The following CASK variants were observed in gnomAD, a reference collection of about 807,000 sequenced individuals.
CASK encodes the protein calcium/calmodulin dependent serine protein kinase.
Under a neutral mutation model 82.9 loss-of-function variants are expected in CASK, and 4 were observed. The ratio of observed to expected loss-of-function variants is 0.05; its 90% confidence interval spans 0.02 to 0.11. The LOEUF is 0.11. CASK is among the 10% of genes least tolerant of loss of function. The probability of loss-of-function intolerance (pLI) is 1.00; values close to 1 mark genes in which losing one functional copy is unlikely to be tolerated. For synonymous variants in CASK, 259 were observed against 253.5 expected (o/e 1.02, Z -0.20); for missense variants, 358 against 720.9 (o/e 0.50, Z 5.76).
At chrX:41,847,534 G>T (rs1379943907) in intron 2 of CASK, among the ~76,000 whole-genome samples, 1 of 111,634 alleles carries the variant, frequency 9.0e-6, no homozygotes, top group Non-Finnish European at 1.9e-5. Context: ...ATCTGGGTTT[G>T]CTCAGGAACA....
chrX:41,632,856 G>T (rs1275037813), intron 9 of CASK, among the ~76,000 whole-genome samples: 3 of 109,921 alleles, frequency 2.7e-5, no homozygotes, highest in Non-Finnish European at 5.7e-5. Flanking sequence ...AAGCCAGCCT[G>T]GCCAACATGG....
At chrX:41,720,253 C>T (rs374568561) in intron 5 of CASK, among the ~76,000 whole-genome samples, 7 of 112,957 alleles carry the variant, frequency 6.2e-5, no homozygotes, top group Admixed American at 5.6e-4. Context: ...GGTGGGACAC[C>T]CACGATCAGA....
chrX:41,919,780 G>C (rs2072753424), intron 1 of CASK, among the ~76,000 whole-genome samples: 1 of 112,218 alleles, frequency 8.9e-6, no homozygotes, highest in Non-Finnish European at 1.9e-5. Context: ...GAAACACAGG[G>C]AAAAGAGTTT....
chrX:41,765,827 G>A (rs984788722), intron 3 of CASK, among the ~76,000 whole-genome samples: 1 of 111,551 alleles, frequency 9.0e-6, no homozygotes, highest in African/African-American at 3.3e-5. Context: ...TCACAGGTTT[G>A]ACTTTGTGTA....
intron 8 of CASK, among the ~76,000 whole-genome samples, chrX:41,644,123 C>G (rs1414484700): frequency 1.8e-5 from 2 of 111,524 alleles, no homozygotes; most frequent in Non-Finnish European, 3.8e-5. Context: ...AGGGATGAAG[C>G]TGACTTGATC....
Position 41,626,617 on chromosome X carries a change from G to C in CASK, c.1002C>G (p.Asp334Glu). Residue 334 changes from aspartate (D) to glutamate (E), a missense_variant, in exon 10 of 27, where the codon GAC becomes GAG. Around this residue, in one of 5 missense-constraint regions of CASK, gnomAD observed 110 missense variants for 218.8 expected, o/e 0.50. Coordinates refer to ENST00000378163, the MANE Select transcript of CASK (RefSeq NM_001367721.1). ...TTATCCAATTACCTGAGGAGGTAGG[G>C]TCTTCGGAGAAATCTGGTAACTCTT... ...PPEELPDFSE[D>E]PTSSGLLAAE... 8.4e-7 allele frequency: 1 copy of C among 1,184,354 alleles called. No individual in the cohort carries two copies. Among genetic ancestry groups the C allele is most frequent in the African/African-American group, 1.7e-5 (1 of 57,433 alleles).
At chrX:41,647,688 G>GTGAAGAGTTTATAGACATTTATT (rs2066783847) in intron 8 of CASK, among the ~76,000 whole-genome samples, 1 of 111,885 alleles carries the variant, frequency 8.9e-6, no homozygotes, top group Non-Finnish European at 1.9e-5. Context: ...GAAAAACGTG[G>GTGAAGAGTTTATAGACATTTATT]ATTGTGAAGA....
In CASK at chrX:41,677,792, C is replaced by T. The variant is rs144516380; in HGVS notation, c.430-6262G>A. On this transcript the variant is annotated intron_variant, in intron 5 of 26. Transcript: ENST00000378163. ...TTAATAAACTTCCATGTATCTATCA[C>T]CCAGCTTTGGCAATTACTGACATTC... Among the ~76,000 whole-genome samples the T allele has an allele frequency of 9.1e-3, 1,018 of 112,439 alleles. 9 individuals carry two copies. Among genetic ancestry groups the T allele is most frequent in the African/African-American group, 0.031 (973 of 30,965 alleles).
chrX:41,908,027 G>A (rs763519201), intron 1 of CASK, among the ~76,000 whole-genome samples: 1 of 111,558 alleles, frequency 9.0e-6, no homozygotes, highest in Non-Finnish European at 1.9e-5. Flanking sequence ...CTCACCTCCT[G>A]TTGTGCGGCC....
intron 5 of CASK, among the ~76,000 whole-genome samples, chrX:41,685,679 C>T (rs749125799): frequency 7.2e-5 from 8 of 110,941 alleles, no homozygotes; most frequent in African/African-American, 9.9e-5. Context: ...GACAGGTTTT[C>T]GCCATGTTGC....
At chrX:41,559,610 G>A in intron 18 of CASK, 169 bp downstream of exon 18, 1 of 506,918 alleles carries the variant, frequency 2.0e-6, no homozygotes, top group South Asian at 2.7e-5. Flanking sequence ...GCAGGGCTGA[G>A]TAGGTGGATG....
intron 5 of CASK, among the ~76,000 whole-genome samples, chrX:41,674,244 T>G (rs1291646007): frequency 1.8e-5 from 2 of 110,772 alleles, no homozygotes; most frequent in Admixed American, 9.6e-5. Flanking sequence ...CAGGGTGCCT[T>G]AGACACTGAG....
chrX:41,832,424 A>G (rs1264123445), intron 2 of CASK, among the ~76,000 whole-genome samples: 1 of 112,087 alleles, frequency 8.9e-6, no homozygotes, highest in Non-Finnish European at 1.9e-5. Context: ...TTCTATTCCT[A>G]TTTTCACTTT....
chrX:41,827,457 A>C (rs2070691199), intron 2 of CASK, among the ~76,000 whole-genome samples: 1 of 111,947 alleles, frequency 8.9e-6, no homozygotes. Context: ...GTGTCCTTAC[A>C]TGGTAGTGGG....
intron 8 of CASK, among the ~76,000 whole-genome samples, chrX:41,653,533 G>A (rs759044886): frequency 6.7e-4 from 75 of 111,838 alleles, no homozygotes; most frequent in South Asian, 1.5e-3. Flanking sequence ...GCTAGACCAA[G>A]CTCAGATTTC....
chrX:41,830,178 T>C (rs2070765281), intron 2 of CASK, among the ~76,000 whole-genome samples: 1 of 108,566 alleles, frequency 9.2e-6, no homozygotes, highest in South Asian at 4.1e-4. Context: ...TTTTTTATTT[T>C]TTGTAGAGAT....
At chrX:41,726,230 C>T (rs2068258048) in intron 5 of CASK, among the ~76,000 whole-genome samples, 1 of 112,693 alleles carries the variant, frequency 8.9e-6, no homozygotes, top group Non-Finnish European at 1.9e-5. Context: ...ACTACAGGTG[C>T]AGAGCCACCA....
chrX:41,877,742 T>C (rs890330092), intron 1 of CASK, among the ~76,000 whole-genome samples: 10 of 111,563 alleles, frequency 9.0e-5, no homozygotes, highest in African/African-American at 3.3e-4. Flanking sequence ...TCTAAAATAA[T>C]AAAACTATCT....
chrX:41,717,064 C>A (rs1231326021), intron 5 of CASK, among the ~76,000 whole-genome samples: 1 of 110,252 alleles, frequency 9.1e-6, no homozygotes, highest in Non-Finnish European at 1.9e-5. Flanking sequence ...CTCTTACCCC[C>A]AAAACTGCCC....
Sources: gnomAD v4.1 joint callset for allele counts (sites outside exome capture counted in the v4.1 genomes callset) on GRCh38, gnomAD v4.1.1 for gene constraint, gnomAD v4.1.1 regional missense constraint, MANE v1.5 for transcripts, NCBI Gene and HGNC (gene_info 2026-07-23, HGNC 2026-07-21) for gene names.